The following DMD variants were observed in gnomAD, a reference collection of about 807,000 sequenced individuals.
The protein encoded by DMD is dystrophin.
In DMD, 63 loss-of-function variants were observed where a neutral mutation model predicts 330.1. The observed-to-expected ratio is 0.19, with a 90% CI of 0.16 to 0.24. DMD has a LOEUF of 0.24. Among genes scored for constraint, DMD ranks in the 10% least tolerant of loss-of-function variants. DMD has a pLI of 1.00. For missense variants in DMD, 3,344 were observed against 2,684.1 expected (o/e 1.25, Z -5.43); for synonymous variants, 1,223 against 959.8 (o/e 1.27, Z -5.07).
intron 19 of DMD, among the ~76,000 whole-genome samples, chrX:32,497,144 T>C (rs2043572047): frequency 9.0e-6 from 1 of 111,720 alleles, no homozygotes; most frequent in Non-Finnish European, 1.9e-5. Context: ...TCAAATAACA[T>C]AATTCATGTG....
intron 60 of DMD, among the ~76,000 whole-genome samples, chrX:31,414,524 G>T (rs1044236119): frequency 3.6e-5 from 4 of 111,774 alleles, no homozygotes; most frequent in African/African-American, 1.3e-4. Flanking sequence ...CCCACTACAT[G>T]TTCAATTAAA....
chrX:33,142,501 T>A (rs2047846958), intron 1 of DMD, among the ~76,000 whole-genome samples: 1 of 112,700 alleles, frequency 8.9e-6, no homozygotes, highest in Admixed American at 9.4e-5. Context: ...AATGGAGATT[T>A]TGTGTGAAAC....
intron 9 of DMD, among the ~76,000 whole-genome samples, chrX:32,663,742 T>C (rs1040220762): frequency 1.8e-4 from 20 of 111,440 alleles, no homozygotes; most frequent in African/African-American, 5.9e-4. Flanking sequence ...AATAGAAGGA[T>C]GTAAGTGTTA....
chrX:32,577,499 A>G (rs2053190374), intron 13 of DMD, among the ~76,000 whole-genome samples: 1 of 112,576 alleles, frequency 8.9e-6, no homozygotes, highest in African/African-American at 3.2e-5. Flanking sequence ...AAACAAGAGT[A>G]TGTATGGGAA....
chrX:32,696,864 T>A (rs764475702), intron 9 of DMD, among the ~76,000 whole-genome samples: 1 of 111,195 alleles, frequency 9.0e-6, no homozygotes, highest in African/African-American at 3.3e-5. Flanking sequence ...GCTTTGCAAG[T>A]AAACTAGCCA....
At chrX:31,564,518 C>T (rs1255086964) in intron 55 of DMD, among the ~76,000 whole-genome samples, 1 of 111,542 alleles carries the variant, frequency 9.0e-6, no homozygotes, top group African/African-American at 3.3e-5. Flanking sequence ...GGAATTGATT[C>T]GACAGTGCAT....
intron 13 of DMD, among the ~76,000 whole-genome samples, chrX:32,591,808 TG>T (rs1479022715): frequency 8.9e-6 from 1 of 112,881 alleles, no homozygotes; most frequent in Non-Finnish European, 1.9e-5. Context: ...CCTGCGCTCT[TG>T]GGGGCCTGGG....
chrX:31,699,227 G>A (rs1341822157), intron 52 of DMD, among the ~76,000 whole-genome samples: 26 of 112,032 alleles, frequency 2.3e-4, no homozygotes, highest in Non-Finnish European at 1.3e-4. Flanking sequence ...GAGTCATAAA[G>A]CAAAGGAGGA....
At chrX:33,020,314 T>G (rs1211447869) in intron 1 of DMD, 114 bp from the exon 2 acceptor site, 2 of 500,565 alleles carry the variant, frequency 4.0e-6, no homozygotes, top group Non-Finnish European at 6.8e-6. Context: ...ACATTTAGTA[T>G]TACATTCATT....
At chrX:32,737,273 T>G (rs941394444) in intron 7 of DMD, among the ~76,000 whole-genome samples, 2 of 111,428 alleles carry the variant, frequency 1.8e-5, no homozygotes, top group African/African-American at 6.5e-5. Flanking sequence ...CTTATTTACA[T>G]CCAGATTTCA....
At chrX:32,775,429 C>T (rs192012155) in intron 7 of DMD, among the ~76,000 whole-genome samples, 44 of 113,036 alleles carry the variant, frequency 3.9e-4, no homozygotes, top group African/African-American at 1.3e-3. Context: ...CAGCAGACTT[C>T]TACCTGAACA....
At chrX:32,516,313 A>C (rs2045856961) in intron 18 of DMD, among the ~76,000 whole-genome samples, 1 of 111,762 alleles carries the variant, frequency 8.9e-6, no homozygotes, top group South Asian at 3.7e-4. Flanking sequence ...TTCATGTCCC[A>C]TTTTAGTAGG....
chrX:32,100,325 C>T (rs1434283757), intron 44 of DMD, among the ~76,000 whole-genome samples: 1 of 107,256 alleles, frequency 9.3e-6, no homozygotes, highest in Non-Finnish European at 1.9e-5. Context: ...TTTTTTCTCA[C>T]ATAAGTAGAT....
chrX:32,697,833 C>G (rs779099948), intron 9 of DMD, 37 bp downstream of exon 9: 94 of 1,206,818 alleles, frequency 7.8e-5, no homozygotes, highest in Admixed American at 1.8e-4. Flanking sequence ...GGAAGCAGTT[C>G]TCTGGTTTGT....
At chrX:32,431,689 T>C (rs898253356) in intron 29 of DMD, among the ~76,000 whole-genome samples, 1 of 112,003 alleles carries the variant, frequency 8.9e-6, no homozygotes, top group Admixed American at 9.5e-5. Flanking sequence ...TTTGATTTCT[T>C]TATTCCATTT....
chrX:31,789,234 T>C (rs2091456690), intron 50 of DMD, among the ~76,000 whole-genome samples: 1 of 111,650 alleles, frequency 9.0e-6, no homozygotes, highest in Non-Finnish European at 1.9e-5. Flanking sequence ...CTTTTTACCT[T>C]TTGTATATCT....
At chrX:31,128,982 A>AT (rs935393313) in intron 77 of DMD, among the ~76,000 whole-genome samples, 5 of 110,397 alleles carry the variant, frequency 4.5e-5, no homozygotes, top group East Asian at 5.7e-4. Context: ...CTAAACATTT[A>AT]TTTTTTTTTG....
At chrX:32,349,333 A>G (rs1407094530) in intron 37 of DMD, among the ~76,000 whole-genome samples, 1 of 111,691 alleles carries the variant, frequency 9.0e-6, no homozygotes, top group Non-Finnish European at 1.9e-5. Context: ...AATAAAATAC[A>G]TTGATACTCT....
intron 1 of DMD, among the ~76,000 whole-genome samples, chrX:33,078,201 T>C (rs1221807170): frequency 9.0e-6 from 1 of 111,583 alleles, no homozygotes; most frequent in Non-Finnish European, 1.9e-5. Flanking sequence ...GTCAGGAACC[T>C]TGTACAGGGA....
Sources: gnomAD v4.1 joint callset for allele counts (sites outside exome capture counted in the v4.1 genomes callset) on GRCh38, gnomAD v4.1.1 for gene constraint, MANE v1.5 for transcripts, NCBI Gene and HGNC (gene_info 2026-07-23, HGNC 2026-07-21) for gene names.